PAK1: variants seen among roughly 807,000 people sequenced by gnomAD.
PAK1 encodes the protein serine/threonine-protein kinase PAK 1.
In PAK1, 29 loss-of-function variants were observed where a neutral mutation model predicts 67.4. The ratio of observed to expected loss-of-function variants is 0.43; its 90% CI spans 0.32 to 0.59. The LOEUF is 0.59. Ranked by LOEUF, PAK1 falls within the 20% of genes least tolerant of loss-of-function variation. PAK1 has a pLI of 0.07. For synonymous variants in PAK1, 223 were observed against 237.4 expected, an observed-to-expected ratio of 0.94 and a Z score of 0.56; for missense variants, 337 against 670.7, an observed-to-expected ratio of 0.50 and a Z score of 5.50.
intron 13 of PAK1, among the ~76,000 whole-genome samples, chr11:77,334,611 T>C (rs73501407): frequency 0.029 from 4,361 of 152,328 alleles, 194 homozygotes; most frequent in African/African-American, 0.098. Context: ...GCTAATCTAA[T>C]GTCCTTTACT....
chr11:77,434,943 T>G (rs1956045460), intron 1 of PAK1, among the ~76,000 whole-genome samples: 1 of 151,912 alleles, frequency 6.6e-6, no homozygotes, highest in Admixed American at 6.6e-5. Context: ...ATTTTTTTTT[T>G]GTAGAGACAG....
intron 2 of PAK1, among the ~76,000 whole-genome samples, chr11:77,388,215 A>T (rs1950688690): frequency 6.6e-6 from 1 of 152,204 alleles, no homozygotes; most frequent in Non-Finnish European, 1.5e-5. Flanking sequence ...GGTTACTTAG[A>T]TTTAGCCTAG....
At chr11:77,488,761 AAG>A in the PAK1 span, among the ~76,000 whole-genome samples, 1 of 152,112 alleles carries the variant, frequency 6.6e-6, no homozygotes, top group Non-Finnish European at 1.5e-5. Context: ...CAAAAGAAAA[AAG>A]AATTTTTTAA....
At chr11:77,406,969 G>A (rs1354453664) in intron 1 of PAK1, among the ~76,000 whole-genome samples, 1 of 152,114 alleles carries the variant, frequency 6.6e-6, no homozygotes, top group Non-Finnish European at 1.5e-5. Context: ...CAGAAGAGGG[G>A]CCCTTAACAG....
At chr11:77,411,688 A>AC (rs778105373) in intron 1 of PAK1, 9 of 151,948 alleles carry the variant, frequency 5.9e-5, no homozygotes, top group Non-Finnish European at 1.3e-4. Flanking sequence ...AATCTACTGG[A>AC]CCCCGTGTCA....
At chr11:77,437,685 A>G (rs1367183509) in intron 1 of PAK1, among the ~76,000 whole-genome samples, 1 of 152,138 alleles carries the variant, frequency 6.6e-6, no homozygotes, top group African/African-American at 2.4e-5. Context: ...ATACTCCCCA[A>G]AGACTTATGC....
chr11:77,423,030 A>G (rs1329083695), intron 1 of PAK1, among the ~76,000 whole-genome samples: 8 of 152,072 alleles, frequency 5.3e-5, no homozygotes, highest in African/African-American at 1.9e-4. Context: ...CCCTCCAGAA[A>G]ATTAATTCCT....
the PAK1 span, among the ~76,000 whole-genome samples, chr11:77,523,791 T>TA: frequency 6.6e-6 from 1 of 152,184 alleles, no homozygotes; most frequent in Non-Finnish European, 1.5e-5. Flanking sequence ...AATGAGAATT[T>TA]AAAAAATATA....
rs1319660461 is a variant in PAK1 at position 77,379,478 on chromosome 11, G to A, written c.292-90C>T. On this transcript the variant is annotated intron_variant, in intron 3 of 14. Transcript: ENST00000356341. ...GAGCTAACTTTGACACTTGCTAGCAGCAAAAGATGCATTTATTAGTCATTC... is the reference window on the plus strand; with the variant it reads ...GAGCTAACTTTGACACTTGCTAGCAACAAAAGATGCATTTATTAGTCATTC... 5.3e-6 allele frequency: 6 copies of A among 1,138,896 alleles called. No homozygotes were observed. In the Admixed American group the frequency reaches 1.3e-4, roughly 25 times the overall value. The allele number at this position is 1,138,896 out of a possible 1,614,324, so 70.5% of individuals were successfully genotyped here.
chr11:77,485,895 GT>G, the PAK1 span, among the ~76,000 whole-genome samples: 1 of 152,216 alleles, frequency 6.6e-6, no homozygotes, highest in African/African-American at 2.4e-5. Context: ...TCCGTCGATG[GT>G]TTTTTGATTC....
intron 14 of PAK1, among the ~76,000 whole-genome samples, chr11:77,332,517 G>A (rs1413033342): frequency 3.3e-5 from 5 of 151,280 alleles, no homozygotes; most frequent in African/African-American, 9.7e-5. Flanking sequence ...CTGAGCCTAG[G>A]AGAACGTGTA....
intron 14 of PAK1, 25 bp downstream of exon 14, chr11:77,332,705 T>G (rs780606452): frequency 2.1e-5 from 33 of 1,603,710 alleles, no homozygotes; most frequent in Middle Eastern, 1.7e-4. Flanking sequence ...CTGAATTAGG[T>G]GCTTCCCTGC....
At chr11:77,335,640 T>G (rs1942561495) in intron 13 of PAK1, among the ~76,000 whole-genome samples, 1 of 152,178 alleles carries the variant, frequency 6.6e-6, no homozygotes. Context: ...GCCAAAATGA[T>G]CTGTTTAAAA....
At chr11:77,381,917 GGGGTAT>G (rs1368472524) in intron 2 of PAK1, among the ~76,000 whole-genome samples, 2 of 152,182 alleles carry the variant, frequency 1.3e-5, no homozygotes, top group African/African-American at 4.8e-5. Context: ...AGAAGGCTAA[GGGGTAT>G]ACCAGGGCCC....
chr11:77,404,711 T>C (rs1271334149), intron 1 of PAK1, among the ~76,000 whole-genome samples: 1 of 152,202 alleles, frequency 6.6e-6, no homozygotes, highest in African/African-American at 2.4e-5. Flanking sequence ...CTTCCTCTCA[T>C]CCGAAGCCAA....
chr11:77,391,118 A>G (rs1227954081), intron 2 of PAK1, among the ~76,000 whole-genome samples: 1 of 152,142 alleles, frequency 6.6e-6, no homozygotes, highest in African/African-American at 2.4e-5. Context: ...TAGTTAGGCA[A>G]TTATATTTTT....
In PAK1 at chr11:77,416,857, G is replaced by T. The variant is rs1299773040; in HGVS notation, c.-21-24316C>A. Among the ~76,000 whole-genome samples the T allele has an allele frequency of 3.3e-5, 5 of 152,236 alleles. No homozygotes were observed. In the East Asian group the frequency reaches 9.7e-4, roughly 29 times the overall value. ...AGTCCCAGCTATTCTGGAGGCTGAG[G>T]CAGGAGAATGGTGTGAAACCAGGAG... is the stretch of plus-strand genomic sequence containing the variant. On this transcript the variant is annotated intron_variant, in intron 1 of 14. Transcript: ENST00000356341.
chr11:77,389,441 T>C (rs1369596031), intron 2 of PAK1, among the ~76,000 whole-genome samples: 1 of 152,254 alleles, frequency 6.6e-6, no homozygotes, highest in Non-Finnish European at 1.5e-5. Flanking sequence ...ACTGCCAGAC[T>C]GTTTTCCACA....
intron 1 of PAK1, among the ~76,000 whole-genome samples, chr11:77,406,670 C>G (rs1953614948): frequency 6.6e-6 from 1 of 152,080 alleles, no homozygotes; most frequent in South Asian, 2.1e-4. Flanking sequence ...CCCAGCTACT[C>G]AAGAGGCTGA....
Sources: gnomAD v4.1 joint callset for allele counts (sites outside exome capture counted in the v4.1 genomes callset) on GRCh38, gnomAD v4.1.1 for gene constraint, MANE v1.5 for transcripts, NCBI Gene and HGNC (gene_info 2026-07-23, HGNC 2026-07-21) for gene names.